Variants in CRTC3 observed in about 807,000 individuals in gnomAD.
CRTC3 encodes CREB regulated transcription coactivator 3.
CRTC3 carries 26 observed loss-of-function variants against 74.5 expected under a neutral mutation model. The observed-to-expected ratio is 0.35, with a 90% CI of 0.26 to 0.48. The LOEUF is 0.48. CRTC3 is among the 20% of genes least tolerant of loss of function. The probability of loss-of-function intolerance (pLI) is 0.99; values close to 1 mark genes in which losing one functional copy is unlikely to be tolerated. For synonymous variants in CRTC3, 377 were observed against 325.8 expected (o/e 1.16, Z -1.69); for missense variants, 760 against 787.3 (o/e 0.97, Z 0.41).
At chr15:90,547,375 A>C (rs1449875380) in intron 2 of CRTC3, among the ~76,000 whole-genome samples, 1 of 152,214 alleles carries the variant, frequency 6.6e-6, no homozygotes, top group Non-Finnish European at 1.5e-5. Flanking sequence ...TGGAGTTTAC[A>C]AAATGCTTTC....
At chr15:90,549,509 C>T (rs1407198896) in intron 2 of CRTC3, among the ~76,000 whole-genome samples, 1 of 152,070 alleles carries the variant, frequency 6.6e-6, no homozygotes, top group Non-Finnish European at 1.5e-5. Context: ...GGTACCATGG[C>T]TCACGCCTGT....
intron 2 of CRTC3, among the ~76,000 whole-genome samples, chr15:90,557,971 CA>C (rs1966930155): frequency 6.6e-6 from 1 of 152,132 alleles, no homozygotes; most frequent in South Asian, 2.1e-4. Flanking sequence ...TTCCTGATGT[CA>C]ACCACCCCAC....
chr15:90,549,983 C>T (rs978019148), intron 2 of CRTC3, among the ~76,000 whole-genome samples: 2 of 150,008 alleles, frequency 1.3e-5, no homozygotes, highest in African/African-American at 4.9e-5. Flanking sequence ...GGATTACAGG[C>T]GTGAGCCACC....
chr15:90,636,351 C>CT (rs1423905232), intron 11 of CRTC3, among the ~76,000 whole-genome samples: 2 of 141,328 alleles, frequency 1.4e-5, no homozygotes, highest in African/African-American at 5.2e-5. Flanking sequence ...ACTGGCTAGC[C>CT]ATACGTAGAA....
chr15:90,546,070 TTATTTTA>T (rs1966843841), intron 2 of CRTC3, among the ~76,000 whole-genome samples: 1 of 152,204 alleles, frequency 6.6e-6, no homozygotes. Flanking sequence ...ATCAATTGTG[TTATTTTA>T]TGATTTGTGC....
At chr15:90,548,963 A>C (rs1035967040) in intron 2 of CRTC3, among the ~76,000 whole-genome samples, 1 of 152,242 alleles carries the variant, frequency 6.6e-6, no homozygotes, top group Non-Finnish European at 1.5e-5. Flanking sequence ...CTAAAAAGGT[A>C]AGATACCTTT....
At chr15:90,546,722 A>G (rs1249243077) in intron 2 of CRTC3, among the ~76,000 whole-genome samples, 1 of 152,162 alleles carries the variant, frequency 6.6e-6, no homozygotes, top group Non-Finnish European at 1.5e-5. Context: ...CCCTGGGTTC[A>G]TGCCATTCTC....
chr15:90,538,563 G>A (rs1049877573), intron 1 of CRTC3, among the ~76,000 whole-genome samples: 1 of 152,172 alleles, frequency 6.6e-6, no homozygotes, highest in African/African-American at 2.4e-5. Flanking sequence ...ATTTCTGTCA[G>A]TGAGGCACTG....
intron 6 of CRTC3, among the ~76,000 whole-genome samples, chr15:90,613,187 A>G (rs1412119540): frequency 3.1e-4 from 3 of 9,622 alleles, no homozygotes; most frequent in African/African-American, 1.6e-3. Context: ...TGTCTCGGGA[A>G]AAAAAAAAAA....
intron 2 of CRTC3, among the ~76,000 whole-genome samples, chr15:90,586,479 G>T (rs1171895344): frequency 6.9e-6 from 1 of 145,266 alleles, no homozygotes; most frequent in Non-Finnish European, 1.5e-5. Flanking sequence ...CAATTCTTCT[G>T]CCTTAGCCTC....
rs74326327 is a variant in CRTC3 at position 90,560,575 on chromosome 15, G to A, written c.231+20438G>A. On this transcript the variant is annotated intron_variant, in intron 2 of 14. Transcript: ENST00000268184. ...GGGGTTAACTCCAGAGGCAGCCTCA[G>A]AAACTAGACACATAATTCATATGGT... Among the ~76,000 whole-genome samples the A allele has an allele frequency of 7.6e-3, 1,161 of 152,334 alleles. 43 individuals carry two copies. In the East Asian group the frequency reaches 0.11, roughly 14 times the overall value.
At chr15:90,554,383 A>G (rs1966872261) in intron 2 of CRTC3, among the ~76,000 whole-genome samples, 2 of 151,998 alleles carry the variant, frequency 1.3e-5, no homozygotes, top group South Asian at 2.1e-4. Flanking sequence ...TTGTATTTTT[A>G]GTAGAGACGG....
In CRTC3 at chr15:90,643,802, A is replaced by C. The variant is rs182337585; in HGVS notation, c.*1662A>C. ...TGAAGGAGAGACGGAAGATGCCAGG[A>C]CCTTTGCTTGGACAGCCATTGCCCT... On this transcript the variant is annotated 3_prime_UTR_variant, in exon 15 of 15. Coordinates refer to ENST00000268184, the MANE Select transcript of CRTC3 (RefSeq NM_022769.5). 1,002 of 232,394 alleles carry C rather than the reference A, an allele frequency of 4.3e-3. 4 individuals carry two copies. Among genetic ancestry groups the C allele is most frequent in the Non-Finnish European group, 7.2e-3 (851 of 117,688 alleles). The allele number at this position is 232,394 out of a possible 1,614,324, so 14.4% of individuals were successfully genotyped here. A position where few individuals can be genotyped will look rare whatever the true frequency, so the allele number is the denominator to read the frequency against.
intron 2 of CRTC3, among the ~76,000 whole-genome samples, chr15:90,566,551 T>TAA (rs71154113): frequency 0.63 from 90,473 of 143,070 alleles, 30,532 homozygotes; most frequent in Non-Finnish European, 0.77. Context: ...CTCTGTCTAT[T>TAA]AAAAAAAAAA....
intron 10 of CRTC3, among the ~76,000 whole-genome samples, chr15:90,627,135 G>C (rs138433583): frequency 2.0e-3 from 303 of 152,328 alleles, no homozygotes; most frequent in Middle Eastern, 0.014. Flanking sequence ...GTCCCCTTCA[G>C]GGGGGGTCAC....
intron 5 of CRTC3, among the ~76,000 whole-genome samples, chr15:90,605,934 T>C (rs2151083439): frequency 6.6e-6 from 1 of 152,376 alleles, no homozygotes; most frequent in East Asian, 1.9e-4. Context: ...GGCTCCCACA[T>C]TTTCTTTTAG....
chr15:90,628,004 T>C (rs1968901611), intron 10 of CRTC3, among the ~76,000 whole-genome samples: 1 of 149,596 alleles, frequency 6.7e-6, no homozygotes, highest in South Asian at 2.2e-4. Flanking sequence ...GATCACGAGG[T>C]CAGGAGATCG....
chr15:90,609,751 T>A (rs1308121440), intron 6 of CRTC3, among the ~76,000 whole-genome samples: 3 of 152,156 alleles, frequency 2.0e-5, no homozygotes, highest in African/African-American at 7.2e-5. Context: ...TAAGTGAGGA[T>A]GGAATAAGAA....
chr15:90,540,284 A>G (rs991024413), intron 2 of CRTC3, 147 bp downstream of exon 2: 2 of 600,068 alleles, frequency 3.3e-6, no homozygotes, highest in African/African-American at 1.9e-5. Context: ...ATTCTCTCTC[A>G]TAGTTTCTAC....
Sources: gnomAD v4.1 joint callset for allele counts (sites outside exome capture counted in the v4.1 genomes callset) on GRCh38, gnomAD v4.1.1 for gene constraint, MANE v1.5 for transcripts, NCBI Gene and HGNC (gene_info 2026-07-23, HGNC 2026-07-21) for gene names.